ZNF407: variants seen among roughly 807,000 people sequenced by gnomAD.
ZNF407 encodes zinc finger protein 407.
Under a neutral mutation model 131.2 loss-of-function variants are expected in ZNF407, and 17 were observed. That is an observed-to-expected ratio of 0.13 (90% CI 0.09 to 0.19). ZNF407 has a LOEUF of 0.19. Among genes scored for constraint, ZNF407 ranks in the 10% least tolerant of loss-of-function variants. ZNF407 has a pLI of 1.00. For synonymous variants in ZNF407, 1,156 were observed against 1,062.0 expected, an observed-to-expected ratio of 1.09 and a Z score of -1.72; for missense variants, 2,681 against 2,830.6, an observed-to-expected ratio of 0.95 and a Z score of 1.20.
intron 3 of ZNF407, among the ~76,000 whole-genome samples, chr18:74,643,870 A>G (rs1487204227): frequency 5.9e-5 from 9 of 151,938 alleles, no homozygotes; most frequent in Admixed American, 5.9e-4. Flanking sequence ...ATTTTCTTTG[A>G]ATCTTCAGGA....
chr18:74,747,938 G>C (rs1219566354), intron 3 of ZNF407, among the ~76,000 whole-genome samples: 1 of 152,034 alleles, frequency 6.6e-6, no homozygotes, highest in Non-Finnish European at 1.5e-5. Flanking sequence ...GAAGTTTAAT[G>C]GTTTGTAACA....
At chr18:74,679,860 A>C (rs1263130304) in intron 3 of ZNF407, among the ~76,000 whole-genome samples, 1 of 152,244 alleles carries the variant, frequency 6.6e-6, no homozygotes, top group Admixed American at 6.5e-5. Flanking sequence ...TCAGATCATC[A>C]GTGGTTCTTC....
intron 3 of ZNF407, among the ~76,000 whole-genome samples, chr18:74,720,820 C>G (rs907261970): frequency 6.6e-6 from 1 of 152,010 alleles, no homozygotes; most frequent in Non-Finnish European, 1.5e-5. Flanking sequence ...TTTGGGTTCT[C>G]TATTCTGTTC....
At chr18:74,701,988 A>G (rs1054329055) in intron 3 of ZNF407, among the ~76,000 whole-genome samples, 1 of 152,230 alleles carries the variant, frequency 6.6e-6, no homozygotes, top group African/African-American at 2.4e-5. Flanking sequence ...CTTGGTATGC[A>G]CATAGTGCTC....
At chr18:74,961,114 G>T (rs1599265326) in intron 8 of ZNF407, among the ~76,000 whole-genome samples, 2 of 152,110 alleles carry the variant, frequency 1.3e-5, no homozygotes, top group South Asian at 4.1e-4. Flanking sequence ...AGGAGAAGGT[G>T]CTGCTTTCCC....
At chr18:75,011,601 T>C (rs1000782808) in intron 8 of ZNF407, among the ~76,000 whole-genome samples, 2 of 152,128 alleles carry the variant, frequency 1.3e-5, no homozygotes, top group African/African-American at 4.8e-5. Flanking sequence ...TAAGTTTTTT[T>C]CCCAAAATCA....
At chr18:74,783,566 T>A (rs1029920150) in intron 4 of ZNF407, among the ~76,000 whole-genome samples, 1 of 151,922 alleles carries the variant, frequency 6.6e-6, no homozygotes, top group Admixed American at 6.6e-5. Context: ...TTTTTTTTCA[T>A]TTACCCTTTT....
intron 8 of ZNF407, among the ~76,000 whole-genome samples, chr18:74,981,224 C>T (rs974947892): frequency 3.3e-5 from 5 of 152,222 alleles, no homozygotes; most frequent in South Asian, 2.1e-4. Flanking sequence ...GAGGCACCCC[C>T]GTCAGTGGGT....
chr18:74,622,022 C>T (rs1193406911), intron 1 of ZNF407, among the ~76,000 whole-genome samples: 4 of 152,014 alleles, frequency 2.6e-5, no homozygotes. Context: ...ACTCTCTTCT[C>T]GTGGATGAGT....
chr18:75,062,352 C>G (rs1169375829), intron 8 of ZNF407: 1 of 152,246 alleles, frequency 6.6e-6, no homozygotes, highest in African/African-American at 2.4e-5. Context: ...TTGTTGATTA[C>G]TTATTCAATC....
chr18:74,623,251 TGTGA>T (rs550275796), intron 1 of ZNF407, among the ~76,000 whole-genome samples: 81 of 151,742 alleles, frequency 5.3e-4, no homozygotes, highest in Middle Eastern at 6.8e-3. Context: ...TGTGTGTGCA[TGTGA>T]GTGTGTGTGT....
chr18:74,830,872 G>C (rs1339592837), intron 4 of ZNF407, among the ~76,000 whole-genome samples: 1 of 152,074 alleles, frequency 6.6e-6, no homozygotes, highest in Non-Finnish European at 1.5e-5. Flanking sequence ...TTCCTCCTAT[G>C]GAGCTGTAAT....
intron 8 of ZNF407, among the ~76,000 whole-genome samples, chr18:74,968,396 C>G (rs1972432971): frequency 6.6e-6 from 1 of 152,182 alleles, no homozygotes; most frequent in African/African-American, 2.4e-5. Flanking sequence ...TTCTGCTTCT[C>G]TTGTTTCTTT....
chr18:74,900,001 C>T (rs773273956), intron 7 of ZNF407, among the ~76,000 whole-genome samples: 9 of 152,174 alleles, frequency 5.9e-5, no homozygotes, highest in East Asian at 5.8e-4. Context: ...TAGACGGATG[C>T]GTGCTGTCTT....
chr18:74,730,109 A>G (rs117393636), intron 3 of ZNF407, among the ~76,000 whole-genome samples: 59 of 152,322 alleles, frequency 3.9e-4, no homozygotes, highest in Non-Finnish European at 6.9e-4. Context: ...GACAGCACCA[A>G]TGAGATCATG....
At chr18:74,745,240 A>G (rs866068413) in intron 3 of ZNF407, among the ~76,000 whole-genome samples, 1 of 152,152 alleles carries the variant, frequency 6.6e-6, no homozygotes, top group African/African-American at 2.4e-5. Context: ...GATTGTATGG[A>G]TATTTATGTA....
chr18:74,638,014 C>T (rs1028485772), intron 2 of ZNF407, among the ~76,000 whole-genome samples: 1 of 152,210 alleles, frequency 6.6e-6, no homozygotes, highest in Non-Finnish European at 1.5e-5. Context: ...ACTTCGTTTT[C>T]ATTTCTCCCG....
intron 8 of ZNF407, among the ~76,000 whole-genome samples, chr18:74,923,990 A>T (rs985360349): frequency 2.0e-5 from 3 of 152,216 alleles, no homozygotes; most frequent in African/African-American, 7.2e-5. Flanking sequence ...AAAGTTGTAT[A>T]TTCACATAAT....
rs937100945 is a variant in ZNF407, at chr18:74,635,871, C to T, written c.4687+165C>T. Among the ~76,000 whole-genome samples, 1 of 152,142 alleles carries T rather than the reference C, an allele frequency of 6.6e-6. No homozygotes were observed. The highest frequency in any genetic ancestry group is 2.4e-5 in the African/African-American group (1 of 41,428). On this transcript the variant is annotated intron_variant, in intron 2 of 8. Coordinates refer to ENST00000299687, the MANE Select transcript of ZNF407 (RefSeq NM_017757.3). The surrounding 1 kb of genome is among the most constrained non-coding windows in gnomAD (Gnocchi z 4.7). ...GCAATAAGTCATTGTTGACACTTAA[C>T]ATTTTTAAGGGTAATTAAGCCCTAG... is the stretch of plus-strand genomic sequence containing the variant.
Sources: gnomAD v4.1 joint callset for allele counts (sites outside exome capture counted in the v4.1 genomes callset) on GRCh38, gnomAD v4.1.1 for gene constraint, Gnocchi (gnomAD v3.1) non-coding constraint, MANE v1.5 for transcripts, NCBI Gene and HGNC (gene_info 2026-07-23, HGNC 2026-07-21) for gene names.